RAD52: variants seen among roughly 807,000 people sequenced by gnomAD.
RAD52 encodes the protein RAD52 DNA repair protein.
RAD52 carries 47 observed loss-of-function variants against 55.5 expected under a neutral mutation model. That is an observed-to-expected ratio of 0.85 (90% CI 0.67 to 1.08). RAD52 has a LOEUF of 1.08. RAD52 is among the 50% of genes least tolerant of loss of function. RAD52 has a pLI of 0.00. For synonymous variants in RAD52, 184 were observed against 198.9 expected (o/e 0.92, Z 0.63); for missense variants, 468 against 522.8 (o/e 0.90, Z 1.02).
intron 1 of RAD52, among the ~76,000 whole-genome samples, chr12:944,036 T>C (rs937542118): frequency 3.3e-5 from 5 of 151,784 alleles, no homozygotes; most frequent in African/African-American, 1.2e-4. Flanking sequence ...GCCAACATCA[T>C]GAAACTCCAT....
At chr12:965,318 A>G (rs1285799200) in intron 1 of RAD52, among the ~76,000 whole-genome samples, 1 of 151,938 alleles carries the variant, frequency 6.6e-6, no homozygotes, top group Non-Finnish European at 1.5e-5. Flanking sequence ...CATGTAATTT[A>G]ATATTTTTCT....
chr12:956,216 G>T (rs537455299), intron 1 of RAD52, among the ~76,000 whole-genome samples: 62 of 152,140 alleles, frequency 4.1e-4, no homozygotes, highest in Non-Finnish European at 8.1e-4. Flanking sequence ...AACGCAATAA[G>T]CAGGGACAAG....
At chr12:961,523 CTGACTGGTG>C (rs1958686103) in intron 1 of RAD52, among the ~76,000 whole-genome samples, 1 of 151,742 alleles carries the variant, frequency 6.6e-6, no homozygotes. Flanking sequence ...CTAATCTAAC[CTGACTGGTG>C]TCCTTAAAGG....
At chr12:967,778 A>T (rs964581886) in intron 1 of RAD52, among the ~76,000 whole-genome samples, 5 of 151,936 alleles carry the variant, frequency 3.3e-5, no homozygotes, top group African/African-American at 1.2e-4. Flanking sequence ...CTAATTAAAA[A>T]AACTTTTTGT....
At chr12:948,736 G>T (rs1295460072) in intron 1 of RAD52, among the ~76,000 whole-genome samples, 5 of 151,044 alleles carry the variant, frequency 3.3e-5, no homozygotes, top group Non-Finnish European at 7.4e-5. Flanking sequence ...TTCTCGCTCT[G>T]TCCCCCAGGC....
Position 927,134 on chromosome 12 carries a change from C to A in RAD52, c.467+11G>T. 6.2e-7 allele frequency: 1 copy of A among 1,609,922 alleles called. No homozygotes were observed. Among genetic ancestry groups the A allele is most frequent in the African/African-American group, 1.3e-5 (1 of 74,988 alleles). The stretch of plus-strand genomic sequence containing the variant: ...AAATGACGCAGGTTAGACTCCCAGC[C>A]CCGCGCTCACCTGAGGGCTCGCTTC... On this transcript the variant is annotated intron_variant, in intron 6 of 11. Transcript: ENST00000358495.
intron 1 of RAD52, among the ~76,000 whole-genome samples, chr12:960,497 G>T (rs1412342689): frequency 6.6e-6 from 1 of 152,136 alleles, no homozygotes; most frequent in East Asian, 1.9e-4. Flanking sequence ...TTGTTTGCTT[G>T]TTCTGACACC....
In RAD52 at chr12:966,265, C is replaced by A. The variant is rs150285350; in HGVS notation, c.-19+23544G>T. Among the ~76,000 whole-genome samples the A allele has an allele frequency of 2.2e-3, 336 of 152,240 alleles. 6 individuals are homozygous for A. Among genetic ancestry groups the A allele is most frequent in the South Asian group, 8.5e-3 (41 of 4,830 alleles). On this transcript the variant is annotated intron_variant, in intron 1 of 11. Transcript: ENST00000430095. ...TACATGCGTGAGCCACCGCGATGGGCCCAATATGTAAATAGGGGTGTTGTA... is the reference window on the plus strand; with the variant it reads ...TACATGCGTGAGCCACCGCGATGGGACCAATATGTAAATAGGGGTGTTGTA...
At chr12:923,863 G>A (rs1287340641) in intron 7 of RAD52, among the ~76,000 whole-genome samples, 4 of 151,190 alleles carry the variant, frequency 2.6e-5, no homozygotes, top group Admixed American at 1.3e-4. Flanking sequence ...TTCAAGACCA[G>A]CCTGGCCAAC....
chr12:913,363 G>C lies in RAD52; in HGVS notation c.*28C>G. 1 of 1,536,864 alleles carries C rather than the reference G, an allele frequency of 6.5e-7. No individual in the cohort carries two copies. Among genetic ancestry groups the C allele is most frequent in the South Asian group, 1.2e-5 (1 of 85,968 alleles). On this transcript the variant is annotated 3_prime_UTR_variant, in exon 12 of 12. Transcript: ENST00000358495. Reference sequence around the variant, plus strand: ...AGTTTTCCAAAGTCCCTTTGTGACAGAGTCCAATTATGTGGCCTGAGCCTC... The same window carrying C: ...AGTTTTCCAAAGTCCCTTTGTGACACAGTCCAATTATGTGGCCTGAGCCTC...
chr12:971,563 A>C (rs1958852957), intron 1 of RAD52, among the ~76,000 whole-genome samples: 2 of 152,168 alleles, frequency 1.3e-5, no homozygotes, highest in Non-Finnish European at 2.9e-5. Flanking sequence ...TCCGTTTTTT[A>C]AATACTTTAA....
intron 7 of RAD52, among the ~76,000 whole-genome samples, chr12:923,956 G>C (rs575955641): frequency 1.3e-5 from 2 of 151,984 alleles, no homozygotes; most frequent in African/African-American, 4.8e-5. Flanking sequence ...CGACTTGGGA[G>C]GCTGAGGCAG....
At chr12:949,566 C>G (rs2154119716) in intron 1 of RAD52, 36 bp downstream of exon 1, 1 of 152,082 alleles carries the variant, frequency 6.6e-6, no homozygotes, top group African/African-American at 2.4e-5. Context: ...ACGGCTAGAA[C>G]CACCCCGGGG....
chr12:989,324 G>C (rs951085063), intron 1 of RAD52, among the ~76,000 whole-genome samples: 2 of 151,820 alleles, frequency 1.3e-5, no homozygotes, highest in African/African-American at 4.8e-5. Context: ...ATTTTATTTT[G>C]TCAGACCACA....
upstream of RAD52, chr12:990,057 T>TA (rs977610750): frequency 1.3e-5 from 2 of 152,126 alleles, no homozygotes; most frequent in Admixed American, 1.3e-4. Flanking sequence ...AGGGAACAGT[T>TA]AAGAGTCCGG....
At chr12:959,989 A>G (rs1422666006) in intron 1 of RAD52, among the ~76,000 whole-genome samples, 1 of 152,184 alleles carries the variant, frequency 6.6e-6, no homozygotes, top group African/African-American at 2.4e-5. Flanking sequence ...AGTTTCGGTA[A>G]TGGGTCAAAG....
intron 1 of RAD52, among the ~76,000 whole-genome samples, chr12:983,093 G>GC (rs59856957): frequency 0.1 from 15,115 of 151,690 alleles, 1,407 homozygotes; most frequent in African/African-American, 0.24. Context: ...CAAGTGATCC[G>GC]CCCGCCTCAG....
chr12:965,886 C>CG (rs532187191), intron 1 of RAD52, among the ~76,000 whole-genome samples: 28 of 151,984 alleles, frequency 1.8e-4, no homozygotes, highest in East Asian at 1.9e-4. Context: ...AGGGTTTCGC[C>CG]TGTTGGCCAG....
rs765979095 is a variant in RAD52, at chr12:929,939, A to G, written c.281-53T>C. The G allele has an allele frequency of 1.3e-5, 21 of 1,581,004 alleles. No individual in the cohort carries two copies. The South Asian group carries it at 1.8e-4, about 13-fold the overall frequency. The stretch of plus-strand genomic sequence containing the variant: ...AGAGGACACTGACCGCTGGGCCACA[A>G]CCATTCCTCCTGCTGGCAGCTGAGT... On this transcript the variant is annotated intron_variant, in intron 4 of 11. Transcript: ENST00000358495.
Sources: gnomAD v4.1 joint callset for allele counts (sites outside exome capture counted in the v4.1 genomes callset) on GRCh38, gnomAD v4.1.1 for gene constraint, MANE v1.5 for transcripts, NCBI Gene and HGNC (gene_info 2026-07-23, HGNC 2026-07-21) for gene names.